Variants in SLC8A1 observed in about 807,000 individuals in gnomAD.
SLC8A1 encodes the protein solute carrier family 8 member A1, also known as sodium/calcium exchanger 1.
A neutral mutation model predicts 68.3 loss-of-function variants in SLC8A1; 18 were observed. The ratio of observed to expected loss-of-function variants is 0.26; its 90% CI spans 0.18 to 0.39. The LOEUF (loss-of-function observed/expected upper bound fraction) is 0.39, where lower values mean the gene tolerates loss of function less well. SLC8A1 is among the 10% of genes least tolerant of loss of function. SLC8A1 has a pLI of 1.00. For synonymous variants in SLC8A1, 475 were observed against 415.5 expected (o/e 1.14, Z -1.74); for missense variants, 985 against 1,156.7 (o/e 0.85, Z 2.15).
At position 40,193,409 on chromosome 2, in the gene SLC8A1, T is replaced by G. The variant is rs552919292; in HGVS notation, c.1809-15554A>C. Among the ~76,000 whole-genome samples, 8 of 152,214 alleles carry G rather than the reference T, an allele frequency of 5.3e-5. No homozygotes were observed. In the East Asian group the frequency reaches 1.2e-3, roughly 22 times the overall value. Reference sequence around the variant, plus strand: ...TCACAGCTTAGAGAAGGGATAGGCATGTAAACCAAAGATTATGCACCTCTA... The same window carrying G: ...TCACAGCTTAGAGAAGGGATAGGCAGGTAAACCAAAGATTATGCACCTCTA... On this transcript the variant is annotated intron_variant, in intron 2 of 7. Transcript: ENST00000406785.
chr2:40,191,864 G>C (rs760604654), intron 2 of SLC8A1, among the ~76,000 whole-genome samples: 14 of 152,152 alleles, frequency 9.2e-5, no homozygotes, highest in Non-Finnish European at 1.9e-4. Flanking sequence ...TAATCTTATA[G>C]GGAAACGTTG....
intron 2 of SLC8A1, among the ~76,000 whole-genome samples, chr2:40,400,973 A>C (rs1328189024): frequency 6.6e-6 from 1 of 152,180 alleles, no homozygotes; most frequent in Non-Finnish European, 1.5e-5. Context: ...GCCACACAGA[A>C]TTTTGGTGCC....
chr2:40,098,841 A>C (rs2125017734), exon 8 of SLC8A1: 1 of 152,128 alleles, frequency 6.6e-6, no homozygotes, highest in South Asian at 2.1e-4. Flanking sequence ...TCTTACAATC[A>C]CATTCATAAT....
At chr2:40,131,482 C>T (rs2039319639) in intron 7 of SLC8A1, among the ~76,000 whole-genome samples, 1 of 152,202 alleles carries the variant, frequency 6.6e-6, no homozygotes, top group South Asian at 2.1e-4. Flanking sequence ...GGTACAGTTT[C>T]CCAAGGGGAA....
At position 40,476,544 on chromosome 2, in the gene SLC8A1, G is replaced by C. The variant is rs1318626268; in HGVS notation, c.-25+35805C>G. Among the ~76,000 whole-genome samples the C allele has an allele frequency of 2.0e-5, 3 of 152,338 alleles. No homozygotes were observed. The East Asian group carries it at 5.8e-4, about 29-fold the overall frequency. On this transcript the variant is annotated intron_variant, in intron 1 of 7. Coordinates refer to the SLC8A1 transcript ENST00000402441. Reference sequence around the variant, plus strand: ...TGCTTAGTGAAGGCGTCATTGAGCAGATCACATTTGACCAGAGACCTTAAT... The same window carrying C: ...TGCTTAGTGAAGGCGTCATTGAGCACATCACATTTGACCAGAGACCTTAAT...
At chr2:40,482,061 A>AT (rs1704662581) in intron 1 of SLC8A1, among the ~76,000 whole-genome samples, 2 of 152,168 alleles carry the variant, frequency 1.3e-5, no homozygotes, top group African/African-American at 4.8e-5. Context: ...AAGCTCCTGC[A>AT]TTTTTTTAAA....
chr2:40,441,359 C>T (rs182632531), intron 1 of SLC8A1, among the ~76,000 whole-genome samples: 1,816 of 150,744 alleles, frequency 0.012, 13 homozygotes, highest in Middle Eastern at 0.024. Flanking sequence ...CAATGCTATT[C>T]CCATCAAACT....
intron 2 of SLC8A1, among the ~76,000 whole-genome samples, chr2:40,352,454 T>C (rs1671393917): frequency 6.6e-6 from 1 of 152,232 alleles, no homozygotes; most frequent in Non-Finnish European, 1.5e-5. Context: ...CAAAGGCTTG[T>C]TGAGTTCTCT....
At chr2:40,128,987 A>G (rs2148184234) in intron 7 of SLC8A1, among the ~76,000 whole-genome samples, 1 of 152,312 alleles carries the variant, frequency 6.6e-6, no homozygotes, top group South Asian at 2.1e-4. Context: ...CAGAGGGTGG[A>G]GATGAGGATT....
Position 40,268,715 on chromosome 2 carries a change from C to G in SLC8A1, c.1809-90860G>C, listed in dbSNP as rs541873669. On this transcript the variant is annotated intron_variant, in intron 2 of 7. Transcript: ENST00000406785. ...ATTATTCCATTGTATCAGCAAACTC[C>G]AAAGTCCTCAAAGGGCTCCTGCTCT... Among the ~76,000 whole-genome samples the G allele has an allele frequency of 2.0e-5, 3 of 152,224 alleles. No individual in the cohort carries two copies. The East Asian group carries it at 5.8e-4, about 29-fold the overall frequency.
rs1204783618 is a variant in SLC8A1, at chr2:40,378,116, G to A, written c.1808+50357C>T. 2.6e-5 allele frequency among the ~76,000 whole-genome samples: 4 copies of A among 152,118 alleles called. No individual in the cohort carries two copies. The South Asian group carries it at 6.2e-4, about 24-fold the overall frequency. On this transcript the variant is annotated intron_variant, in intron 2 of 7. Coordinates refer to ENST00000406785, the Ensembl canonical transcript of SLC8A1. ...GTGAACAGAACAGATAAAAATCTAT[G>A]CCTTTATAGAGTTTAAATTCTGGTG...
chr2:40,134,176 C>G (rs2040038609), intron 7 of SLC8A1, among the ~76,000 whole-genome samples: 1 of 151,854 alleles, frequency 6.6e-6, no homozygotes, highest in African/African-American at 2.4e-5. Context: ...ACTGCAACCT[C>G]CGCCTCCCGG....
intron 2 of SLC8A1, among the ~76,000 whole-genome samples, chr2:40,259,513 A>T (rs1309527840): frequency 6.6e-6 from 1 of 152,068 alleles, no homozygotes; most frequent in Middle Eastern, 3.2e-3. Context: ...ATAGGGTCTC[A>T]TTCTGTGCCC....
intron 2 of SLC8A1, chr2:40,190,681 A>G (rs2051629010): frequency 6.6e-6 from 1 of 152,218 alleles, no homozygotes; most frequent in Admixed American, 6.5e-5. Flanking sequence ...TTTAGTAAGG[A>G]TGGCTGTGTT....
At chr2:40,206,615 G>A (rs2055501114) in intron 2 of SLC8A1, among the ~76,000 whole-genome samples, 1 of 152,020 alleles carries the variant, frequency 6.6e-6, no homozygotes, top group Admixed American at 6.6e-5. Flanking sequence ...CCCATCAAAT[G>A]ATCCAAACAC....
chr2:40,429,030 C>A, exon 2 of SLC8A1: 1 of 1,612,912 alleles, frequency 6.2e-7, no homozygotes, highest in Non-Finnish European at 8.5e-7. Flanking sequence ...TCTCCAGACA[C>A]TGATATGTCC....
chr2:40,234,636 G>T (rs1386928163), intron 2 of SLC8A1, among the ~76,000 whole-genome samples: 2 of 152,158 alleles, frequency 1.3e-5, no homozygotes, highest in African/African-American at 2.4e-5. Flanking sequence ...CCAACAATAT[G>T]TTGAATAGGA....
chr2:40,224,216 T>A (rs892067141), intron 2 of SLC8A1, among the ~76,000 whole-genome samples: 1 of 152,056 alleles, frequency 6.6e-6, no homozygotes, highest in African/African-American at 2.4e-5. Flanking sequence ...AGGCTTGGGA[T>A]GAGATGAGGC....
chr2:40,171,211 C>T (rs1320515884), intron 4 of SLC8A1, among the ~76,000 whole-genome samples: 1 of 152,176 alleles, frequency 6.6e-6, no homozygotes, highest in Non-Finnish European at 1.5e-5. Context: ...TTTGAACAGG[C>T]TTTGTTCCTC....
Sources: gnomAD v4.1 joint callset for allele counts (sites outside exome capture counted in the v4.1 genomes callset) on GRCh38, gnomAD v4.1.1 for gene constraint, MANE v1.5 for transcripts, NCBI Gene and HGNC (gene_info 2026-07-23, HGNC 2026-07-21) for gene names.